ASH1L: variants seen among roughly 807,000 people sequenced by gnomAD.
The protein encoded by ASH1L is histone-lysine N-methyltransferase ASH1L.
In ASH1L, 23 loss-of-function variants were observed where a neutral mutation model predicts 269.0. That is an observed-to-expected ratio of 0.09 (90% CI 0.06 to 0.12). The LOEUF is 0.12. Ranked by LOEUF, ASH1L falls within the 10% of genes least tolerant of loss-of-function variation. ASH1L has a pLI of 1.00. For missense variants in ASH1L, 2,912 were observed against 3,567.8 expected (o/e 0.82, Z 4.68); for synonymous variants, 1,187 against 1,253.5 (o/e 0.95, Z 1.12).
intron 6 of ASH1L, among the ~76,000 whole-genome samples, chr1:155,415,424 T>C (rs1356847240): frequency 6.6e-6 from 1 of 151,188 alleles, no homozygotes; most frequent in African/African-American, 2.4e-5. Flanking sequence ...AAAGCATCAT[T>C]AGAATCTCAA....
Position 155,338,238 on chromosome 1 carries a change from G to C in ASH1L, c.8654C>G (p.Thr2885Ser). ...TTTTTCACCCTCACTGACGTTAGCA[G>C]TGGCCCCTTCCCGTTCTGGCTCCTC... The part of the protein sequence containing the change: ...SLEEPEREGA[T>S]ANVSEGEKKT... The change falls in exon 27 of 28, where the codon ACT becomes AGT. Residue 2885 changes from threonine (T) to serine (S), a missense_variant. Coordinates refer to ENST00000392403, the MANE Select transcript of ASH1L (RefSeq NM_018489.3). 1.2e-6 allele frequency: 2 copies of C among 1,613,986 alleles called. No individual in the cohort carries two copies. Among genetic ancestry groups the C allele is most frequent in the Non-Finnish European group, 1.7e-6 (2 of 1,180,002 alleles).
chr1:155,555,619 T>C (rs1671533930), intron 1 of ASH1L, among the ~76,000 whole-genome samples: 1 of 152,222 alleles, frequency 6.6e-6, no homozygotes, highest in African/African-American at 2.4e-5. Flanking sequence ...TGTTTCTCTC[T>C]TGTGCATTTG....
rs1413606621 is a variant in ASH1L at position 155,562,426 on chromosome 1, G to C, written c.-373C>G. ...AAGCGAACCCAAAATGGCGGCGGGA[G>C]CGGCGGCGGCGGCGGCGGCAGCAGC... On this transcript the variant is annotated 5_prime_UTR_variant, in exon 1 of 28. Coordinates refer to ENST00000392403, the MANE Select transcript of ASH1L (RefSeq NM_018489.3). 2 of 1,362,020 alleles carry C rather than the reference G, an allele frequency of 1.5e-6. No homozygotes were observed. The highest frequency in any genetic ancestry group is 5.3e-5 in the East Asian group (2 of 37,618). The allele number at this position is 1,362,020 out of a possible 1,614,324, so 84.4% of individuals were successfully genotyped here. A position where few individuals can be genotyped will look rare whatever the true frequency, so the allele number is the denominator to read the frequency against.
In ASH1L at chr1:155,370,381, G is replaced by C. The variant is rs925008840; in HGVS notation, c.6686+123C>G. On this transcript the variant is annotated intron_variant, in intron 12 of 27. Coordinates refer to ENST00000392403, the MANE Select transcript of ASH1L (RefSeq NM_018489.3). ...CAGCTTACTCTGCCCGTGGGATCTG[G>C]GGTAATGGGGAACAGCCTGAGCTGC... 9.0e-6 allele frequency: 11 copies of C among 1,226,172 alleles called. No individual in the cohort carries two copies. The African/African-American group carries it at 1.5e-4, about 16-fold the overall frequency. The allele number at this position is 1,226,172 out of a possible 1,614,324, so 76.0% of individuals were successfully genotyped here.
At chr1:155,436,993 A>C (rs912082256) in intron 5 of ASH1L, among the ~76,000 whole-genome samples, 1 of 152,190 alleles carries the variant, frequency 6.6e-6, no homozygotes, top group Non-Finnish European at 1.5e-5. Flanking sequence ...CTGACCATGC[A>C]TGCAAGGTTT....
At chr1:155,517,770 C>A (rs1668588256) in intron 2 of ASH1L, among the ~76,000 whole-genome samples, 2 of 150,018 alleles carry the variant, frequency 1.3e-5, no homozygotes. Flanking sequence ...AAAATAAACT[C>A]TCACATATAT....
At chr1:155,486,232 T>C (rs1666320834) in intron 2 of ASH1L, among the ~76,000 whole-genome samples, 1 of 152,172 alleles carries the variant, frequency 6.6e-6, no homozygotes, top group Admixed American at 6.5e-5. Context: ...CATGTGGTAC[T>C]TGATTGACTC....
intron 12 of ASH1L, among the ~76,000 whole-genome samples, chr1:155,362,169 G>A (rs1655021222): frequency 6.6e-6 from 1 of 151,890 alleles, no homozygotes; most frequent in Non-Finnish European, 1.5e-5. Flanking sequence ...CTGAGTAGCT[G>A]GAATATAGGC....
rs1032325342 is a variant in ASH1L, at chr1:155,516,738, T to C, written c.420+4362A>G. 5.3e-5 allele frequency among the ~76,000 whole-genome samples: 8 copies of C among 151,880 alleles called. No individual in the cohort carries two copies. The South Asian group carries it at 1.5e-3, about 28-fold the overall frequency. On this transcript the variant is annotated intron_variant, in intron 2 of 27. Transcript: ENST00000392403. ...GAGCAATGCCACTGCCCCTCCAGCA[T>C]GGGCAGCAAGACCCTGTCTCTAAAA...
Position 155,349,554 on chromosome 1 carries a change from G to A in ASH1L, c.7409C>T (p.Pro2470Leu). ...QALAAPLLNL[P>L]PKKKNADYYE... ...AATGTGAACCTACTTTTTCTTTGGG[G>A]GAAGGTTCAAAAGTGGAGCTGCCAG... The change falls in exon 18 of 28, where the codon CCC (proline) becomes CTC (leucine). Residue 2470 changes from proline to leucine, a missense_variant. Pro to Leu is a moderately conservative substitution (Grantham distance 98, BLOSUM62 -3). Transcript: ENST00000392403. 6.2e-7 allele frequency: 1 copy of A among 1,613,974 alleles called. No individual in the cohort carries two copies. Among genetic ancestry groups the A allele is most frequent in the Non-Finnish European group, 8.5e-7 (1 of 1,179,988 alleles).
At chr1:155,445,396 G>A (rs1179236228) in intron 4 of ASH1L, among the ~76,000 whole-genome samples, 2 of 152,078 alleles carry the variant, frequency 1.3e-5, no homozygotes, top group African/African-American at 4.8e-5. Context: ...TGTTGGCCAG[G>A]CTGGTCTCGA....
At chr1:155,463,877 T>C (rs1440068613) in intron 3 of ASH1L, among the ~76,000 whole-genome samples, 1 of 152,080 alleles carries the variant, frequency 6.6e-6, no homozygotes, top group East Asian at 1.9e-4. Flanking sequence ...ACATCAAGCA[T>C]TTACCTTAAA....
intron 2 of ASH1L, among the ~76,000 whole-genome samples, chr1:155,494,378 G>A (rs541974314): frequency 2.6e-4 from 39 of 152,324 alleles, no homozygotes; most frequent in African/African-American, 7.2e-4. Flanking sequence ...GAAGCCATTC[G>A]AAGATTTTAT....
In ASH1L at chr1:155,340,116, C is replaced by T. The variant is rs147881478; in HGVS notation, c.8461-748G>A. ...GGTGGTGGGCAGAGAATACAAAAGA[C>T]GGTCTGGAAAATTAAAAAAAAAAAA... On this transcript the variant is annotated intron_variant, in intron 25 of 27. Coordinates refer to ENST00000392403, the MANE Select transcript of ASH1L (RefSeq NM_018489.3). Among the ~76,000 whole-genome samples the T allele has an allele frequency of 6.0e-3, 909 of 151,250 alleles. 3 individuals carry two copies. Among genetic ancestry groups the T allele is most frequent in the Admixed American group, 8.4e-3 (128 of 15,196 alleles).
chr1:155,523,369 C>T (rs1669017382), intron 1 of ASH1L, among the ~76,000 whole-genome samples: 1 of 152,032 alleles, frequency 6.6e-6, no homozygotes, highest in African/African-American at 2.4e-5. Flanking sequence ...TGGCACACAC[C>T]TGTAGTCCCA....
intron 2 of ASH1L, 27 bp from the exon 3 acceptor site, chr1:155,482,476 A>C: frequency 1.3e-6 from 2 of 1,579,244 alleles, no homozygotes; most frequent in Non-Finnish European, 8.6e-7. Context: ...AAAAAAGTTA[A>C]AGAGGGAGTA....
chr1:155,534,434 G>A (rs1407120792), intron 1 of ASH1L, among the ~76,000 whole-genome samples: 2 of 151,390 alleles, frequency 1.3e-5, no homozygotes, highest in Non-Finnish European at 2.9e-5. Context: ...GTGAGAGGAT[G>A]AGGGTGGAAA....
intron 7 of ASH1L, among the ~76,000 whole-genome samples, chr1:155,394,984 A>G (rs1178406389): frequency 2.0e-5 from 3 of 152,144 alleles, no homozygotes. Context: ...AACTCAGGCT[A>G]GAGTGCAGTG....
chr1:155,453,383 C>T (rs929867803), intron 4 of ASH1L, among the ~76,000 whole-genome samples: 3 of 152,084 alleles, frequency 2.0e-5, no homozygotes, highest in Admixed American at 6.6e-5. Flanking sequence ...TGGCTAAACG[C>T]CTTTGCAATC....
Sources: allele counts gnomAD v4.1 joint callset (sites outside exome capture counted in the v4.1 genomes callset), GRCh38; gene constraint gnomAD v4.1.1; transcripts MANE v1.5; gene names NCBI Gene and HGNC (gene_info 2026-07-23, HGNC 2026-07-21).